CADPS: variants seen among roughly 807,000 people sequenced by gnomAD.
CADPS encodes calcium-dependent secretion activator 1.
In CADPS, 57 loss-of-function variants were observed where a neutral mutation model predicts 167.3. The ratio of observed to expected loss-of-function variants is 0.34; its 90% CI spans 0.28 to 0.42. CADPS has a LOEUF of 0.42. CADPS is among the 20% of genes least tolerant of loss of function. The pLI, the probability that CADPS is intolerant of heterozygous loss-of-function variation, is 1.00. For missense variants in CADPS, 1,414 were observed against 1,738.1 expected (o/e 0.81, Z 3.32); for synonymous variants, 676 against 635.3 (o/e 1.06, Z -0.96).
intron 1 of CADPS, 51 bp from the exon 2 acceptor site, chr3:62,766,035 A>T (rs1276149541): frequency 7.5e-7 from 1 of 1,324,572 alleles, no homozygotes; most frequent in Non-Finnish European, 1.1e-6. Flanking sequence ...CTAGACAAGG[A>T]TCATGGATAC....
In CADPS at chr3:62,643,105, G is replaced by A. The variant is rs139737154; in HGVS notation, c.1325+2617C>T. On this transcript the variant is annotated intron_variant, in intron 6 of 29. Coordinates refer to ENST00000383710, the MANE Select transcript of CADPS (RefSeq NM_003716.4). Reference sequence around the variant, plus strand: ...GAAGGAAAATAAGTAAAGGATATAGGAGAGTCTACATGTAAAGGATAAAGG... The same window carrying A: ...GAAGGAAAATAAGTAAAGGATATAGAAGAGTCTACATGTAAAGGATAAAGG... 2.2e-3 allele frequency among the ~76,000 whole-genome samples: 333 copies of A among 152,232 alleles called. 1 individual carries two copies. Among genetic ancestry groups the A allele is most frequent in the Middle Eastern group, 0.01 (3 of 292 alleles).
chr3:62,719,922 G>A (rs2075413065), intron 3 of CADPS, among the ~76,000 whole-genome samples: 1 of 152,202 alleles, frequency 6.6e-6, no homozygotes, highest in African/African-American at 2.4e-5. Context: ...GCTGAAAGCT[G>A]TATTTTCTGG....
intron 6 of CADPS, among the ~76,000 whole-genome samples, chr3:62,613,596 A>G (rs1332567615): frequency 6.6e-6 from 1 of 152,164 alleles, no homozygotes; most frequent in Non-Finnish European, 1.5e-5. Flanking sequence ...AGCATCATGA[A>G]TGGTTAGTGT....
chr3:62,528,992 C>T (rs905299291), intron 13 of CADPS, among the ~76,000 whole-genome samples: 2 of 152,030 alleles, frequency 1.3e-5, no homozygotes, highest in African/African-American at 2.4e-5. Context: ...AACCCTCTCT[C>T]TACTAAAAAT....
chr3:62,655,255 C>T (rs2071258593), intron 4 of CADPS, among the ~76,000 whole-genome samples: 1 of 152,116 alleles, frequency 6.6e-6, no homozygotes, highest in African/African-American at 2.4e-5. Context: ...CAGTGGCAGA[C>T]CCATTGCAAA....
intron 6 of CADPS, among the ~76,000 whole-genome samples, chr3:62,608,646 T>C (rs2061042198): frequency 6.6e-6 from 1 of 152,192 alleles, no homozygotes; most frequent in South Asian, 2.1e-4. Flanking sequence ...TAATTAAATA[T>C]GATTTTTGAT....
chr3:62,714,383 A>G (rs2084005816), intron 3 of CADPS, among the ~76,000 whole-genome samples: 1 of 152,222 alleles, frequency 6.6e-6, no homozygotes, highest in Non-Finnish European at 1.5e-5. Context: ...AGATCACATT[A>G]GAAGAATACT....
chr3:62,727,130 T>G (rs2076889143), intron 3 of CADPS, among the ~76,000 whole-genome samples: 1 of 151,806 alleles, frequency 6.6e-6, no homozygotes, highest in African/African-American at 2.4e-5. Context: ...TTCCTGTGCT[T>G]CTACCCAAAA....
Position 62,399,250 on chromosome 3 carries a change from C to T in CADPS, c.*156G>A, listed in dbSNP as rs138270630. 5.8e-5 allele frequency: 37 copies of T among 633,240 alleles called. 1 individual carries two copies. The highest frequency in any genetic ancestry group is 4.8e-4 in the African/African-American group (26 of 54,640). 39.2% of individuals were successfully genotyped at this position (633,240 alleles called of 1,614,324 possible). A position where few individuals can be genotyped will look rare whatever the true frequency, so the allele number is the denominator to read the frequency against. ...AATCAGTGGATATGAAGGTCATTTG[C>T]TAATCTTGGTACCACATAGCTAAAA... On this transcript the variant is annotated 3_prime_UTR_variant, in exon 30 of 30. Coordinates refer to ENST00000383710, the MANE Select transcript of CADPS (RefSeq NM_003716.4). This position sits in a 1 kb window ranked among gnomAD's most constrained non-coding sequence, Gnocchi z 5.6.
At chr3:62,436,544 T>C (rs1576014358) in intron 28 of CADPS, among the ~76,000 whole-genome samples, 1 of 152,186 alleles carries the variant, frequency 6.6e-6, no homozygotes, top group East Asian at 1.9e-4. Flanking sequence ...ATGGTGATTG[T>C]GCCCCGGACA....
intron 1 of CADPS, among the ~76,000 whole-genome samples, chr3:62,787,239 G>A (rs901221086): frequency 5.9e-5 from 9 of 152,230 alleles, no homozygotes; most frequent in Non-Finnish European, 1.2e-4. Context: ...AGGTTGTAGT[G>A]AGCCAAGATC....
chr3:62,739,146 T>G (rs1157380564), intron 3 of CADPS, among the ~76,000 whole-genome samples: 3 of 152,324 alleles, frequency 2.0e-5, no homozygotes, highest in South Asian at 4.1e-4. Context: ...AGTATGACAG[T>G]TCTGAACTAA....
chr3:62,480,438 G>T (rs993291722), intron 22 of CADPS, among the ~76,000 whole-genome samples: 1 of 151,936 alleles, frequency 6.6e-6, no homozygotes, highest in Non-Finnish European at 1.5e-5. Context: ...TAAATTTTTG[G>T]AGGTTGTAAT....
chr3:62,540,420 G>A (rs1282843624), intron 11 of CADPS, among the ~76,000 whole-genome samples: 2 of 151,980 alleles, frequency 1.3e-5, no homozygotes, highest in Admixed American at 1.3e-4. Flanking sequence ...GAGGAGCCAG[G>A]TCCTCAGGAG....
intron 6 of CADPS, among the ~76,000 whole-genome samples, chr3:62,594,629 C>G (rs1250576417): frequency 4.6e-5 from 7 of 152,162 alleles, no homozygotes; most frequent in Admixed American, 2.0e-4. Flanking sequence ...AACTCCCGGG[C>G]TCAAGCAATC....
intron 2 of CADPS, among the ~76,000 whole-genome samples, chr3:62,760,031 G>A (rs1057014214): frequency 5.9e-5 from 9 of 152,032 alleles, no homozygotes; most frequent in Non-Finnish European, 1.3e-4. Context: ...GCTAGATTAG[G>A]AGCAAAAGTA....
At chr3:62,668,609 C>A (rs146684424) in intron 3 of CADPS, among the ~76,000 whole-genome samples, 1 of 152,172 alleles carries the variant, frequency 6.6e-6, no homozygotes, top group African/African-American at 2.4e-5. Flanking sequence ...TAATGATGCA[C>A]CTTTCCTTTC....
chr3:62,701,872 G>A (rs565470753), intron 3 of CADPS, among the ~76,000 whole-genome samples: 3 of 152,176 alleles, frequency 2.0e-5, no homozygotes, highest in East Asian at 3.9e-4. Flanking sequence ...AAAAGGAAAA[G>A]GTTAAGCTGA....
At chr3:62,763,057 G>A (rs544944879) in intron 2 of CADPS, among the ~76,000 whole-genome samples, 308 of 152,206 alleles carry the variant, frequency 2.0e-3, no homozygotes, top group African/African-American at 5.3e-3. Context: ...GCAGCCTAAC[G>A]GTTTATTAAG....
Sources: allele counts gnomAD v4.1 joint callset (sites outside exome capture counted in the v4.1 genomes callset), GRCh38; gene constraint gnomAD v4.1.1; non-coding constraint Gnocchi (gnomAD v3.1); transcripts MANE v1.5; gene names NCBI Gene and HGNC (gene_info 2026-07-23, HGNC 2026-07-21).